LARP1: variants seen among roughly 807,000 people sequenced by gnomAD.
The protein encoded by LARP1 is la-related protein 1.
LARP1 carries 36 observed loss-of-function variants against 122.7 expected under a neutral mutation model. The ratio of observed to expected loss-of-function variants is 0.29; its 90% CI spans 0.22 to 0.39. The LOEUF (loss-of-function observed/expected upper bound fraction) is 0.39. Among genes scored for constraint, LARP1 ranks in the 10% least tolerant of loss-of-function variants. The pLI is 1.00. For missense variants in LARP1, 1,040 were observed against 1,403.6 expected (o/e 0.74, Z 4.14); for synonymous variants, 539 against 528.7 (o/e 1.02, Z -0.27).
chr5:154,804,036 G>T (rs1431381021), intron 13 of LARP1, among the ~76,000 whole-genome samples, 165 bp from the exon 14 acceptor site: 2 of 152,162 alleles, frequency 1.3e-5, no homozygotes, highest in African/African-American at 2.4e-5. Flanking sequence ...TTTGAAATAG[G>T]CATACCAGTT....
intron 1 of LARP1, among the ~76,000 whole-genome samples, chr5:154,758,350 G>T (rs1754173279): frequency 6.6e-6 from 1 of 152,178 alleles, no homozygotes; most frequent in Admixed American, 6.5e-5. Context: ...GATTTGCTCT[G>T]TTATTGTTTT....
intron 1 of LARP1, 60 bp downstream of exon 1, chr5:154,756,253 C>A: frequency 1.8e-6 from 2 of 1,136,044 alleles, no homozygotes; most frequent in South Asian, 3.3e-5. Flanking sequence ...ATGGGAGTCC[C>A]CTCCCCCAGC....
chr5:154,790,811 T>G lies in LARP1; in HGVS notation c.564+101T>G, dbSNP rs921142032. On this transcript the variant is annotated intron_variant, in intron 3 of 18. Transcript: ENST00000518297. ...AGCCTCAGCTCTTACCTTTCTCAGTTTTCATTCTTTCTTTTTTTTCCCCCC... is the reference window on the plus strand; with the variant it reads ...AGCCTCAGCTCTTACCTTTCTCAGTGTTCATTCTTTCTTTTTTTTCCCCCC... 4.2e-5 allele frequency: 44 copies of G among 1,057,340 alleles called. 1 individual carries two copies. The African/African-American group carries it at 5.6e-4, about 13-fold the overall frequency. 65.5% of individuals were successfully genotyped at this position (1,057,340 alleles called of 1,614,324 possible).
chr5:154,807,777 C>CTCCT (rs1387147773), intron 15 of LARP1, among the ~76,000 whole-genome samples: 1 of 152,140 alleles, frequency 6.6e-6, no homozygotes, highest in Non-Finnish European at 1.5e-5. Context: ...TGGTCTTGAA[C>CTCCT]TCCTGGCCTT....
intron 1 of LARP1, among the ~76,000 whole-genome samples, chr5:154,772,380 G>A (rs925371311): frequency 1.3e-5 from 2 of 152,120 alleles, no homozygotes; most frequent in Non-Finnish European, 2.9e-5. Flanking sequence ...ATTGGATAGC[G>A]TATTTCAAGT....
intron 1 of LARP1, among the ~76,000 whole-genome samples, chr5:154,692,968 C>T (rs2113212875): frequency 6.7e-6 from 1 of 148,328 alleles, no homozygotes; most frequent in East Asian, 2.0e-4. Flanking sequence ...ACCACCATAC[C>T]CAGCTAATTT....
intron 1 of LARP1, among the ~76,000 whole-genome samples, chr5:154,772,465 C>T (rs867113349): frequency 2.6e-5 from 4 of 152,064 alleles, no homozygotes; most frequent in African/African-American, 9.7e-5. Flanking sequence ...GTAGCCTTCC[C>T]GTTGTCTATG....
chr5:154,749,595 C>G (rs1412972250), intron 1 of LARP1, among the ~76,000 whole-genome samples: 1 of 152,180 alleles, frequency 6.6e-6, no homozygotes, highest in Admixed American at 6.5e-5. Flanking sequence ...TTCCCAAGAA[C>G]TGAAATAATT....
At chr5:154,713,336 G>T (rs1582183719) in intron 1 of LARP1, among the ~76,000 whole-genome samples, 1 of 152,266 alleles carries the variant, frequency 6.6e-6, no homozygotes, top group East Asian at 1.9e-4. Context: ...CTCTTCTATT[G>T]TTTTCCCTTG....
Position 154,811,527 on chromosome 5 carries a change from C to T in LARP1, c.2968C>T (p.Leu990=), listed in dbSNP as rs1452247307. Residue 990 remains leucine, a synonymous_variant, in exon 18 of 19, where the codon CTG becomes TTG. Coordinates refer to ENST00000518297, the MANE Select transcript of LARP1 (RefSeq NM_033551.3). ...KDYEAGQLYG[L]EKFWAFLKYS... The stretch of plus-strand genomic sequence containing the variant: ...TCTCCCTACAGGCCAACTGTATGGG[C>T]TGGAGAAGTTCTGGGCCTTCTTGAA... 1 of 1,614,232 alleles carries T rather than the reference C, an allele frequency of 6.2e-7. No individual in the cohort carries two copies. The highest frequency in any genetic ancestry group is 8.5e-7 in the Non-Finnish European group (1 of 1,180,026).
intron 1 of LARP1, among the ~76,000 whole-genome samples, chr5:154,690,725 G>A (rs2113201798): frequency 6.6e-6 from 1 of 151,806 alleles, no homozygotes. Context: ...CGCACTGGTG[G>A]TGTGCGGAGG....
At chr5:154,794,048 G>C in intron 6 of LARP1, 48 bp downstream of exon 6, 1 of 1,611,354 alleles carries the variant, frequency 6.2e-7, no homozygotes, top group South Asian at 1.1e-5. Flanking sequence ...GTGTGCAGCA[G>C]GGGTGGTGGG....
chr5:154,685,877 T>C lies in LARP1; in HGVS notation c.-180+2840T>C, dbSNP rs772218806. The C allele has an allele frequency of 3.2e-5, 16 of 506,942 alleles. No individual in the cohort carries two copies. The East Asian group carries it at 9.0e-4, about 28-fold the overall frequency. The allele number at this position is 506,942 out of a possible 1,614,324, so 31.4% of individuals were successfully genotyped here. A position where few individuals can be genotyped will look rare whatever the true frequency, so the allele number is the denominator to read the frequency against. On this transcript the variant is annotated intron_variant, in intron 1 of 18. Transcript: ENST00000687700. ...GCCAGGCTTTGTGCAGCATGTAAAC[T>C]GTACAGCCCTAAGTGGGAGCCCTAC...
At position 154,811,413 on chromosome 5, in the gene LARP1, A is replaced by C. The variant is rs968715097; in HGVS notation, c.2953+57A>C. The C allele has an allele frequency of 1.1e-5, 18 of 1,608,880 alleles. No homozygotes were observed. In the Admixed American group the frequency reaches 1.7e-4, roughly 15 times the overall value. ...TGGTCATGTAGGCCTCCTCTTCCCC[A>C]GTTGGACCTGGGTCTTTCTGTGTAT... On this transcript the variant is annotated intron_variant, in intron 17 of 18. Transcript: ENST00000518297.
intron 1 of LARP1, among the ~76,000 whole-genome samples, chr5:154,724,257 T>C (rs1756064489): frequency 6.6e-6 from 1 of 152,234 alleles, no homozygotes; most frequent in Admixed American, 6.5e-5. Flanking sequence ...CATTGCCTCA[T>C]TGAATTTTTA....
intron 1 of LARP1, among the ~76,000 whole-genome samples, chr5:154,735,834 G>T (rs1408522751): frequency 6.6e-6 from 1 of 151,858 alleles, no homozygotes; most frequent in African/African-American, 2.4e-5. Context: ...GCCTCCTAAA[G>T]TGCTGGGATT....
rs376819865 is a variant in LARP1 at position 154,790,943 on chromosome 5, G to A, written c.564+233G>A. On this transcript the variant is annotated intron_variant, in intron 3 of 18. Transcript: ENST00000518297. ...AGTGATTCTCCTCCCCCAGCCTCCC[G>A]AGTAGCTGTGATTACAGGCGCTCAC... is the stretch of plus-strand genomic sequence containing the variant. Among the ~76,000 whole-genome samples, 38 of 151,362 alleles carry A rather than the reference G, an allele frequency of 2.5e-4. 1 individual carries two copies. Among genetic ancestry groups the A allele is most frequent in the African/African-American group, 6.1e-4 (25 of 41,214 alleles).
chr5:154,778,392 GA>G (rs1381306501), intron 1 of LARP1, among the ~76,000 whole-genome samples: 13 of 151,986 alleles, frequency 8.6e-5, no homozygotes, highest in African/African-American at 2.9e-4. Flanking sequence ...TATGTACAGA[GA>G]AAACCTACCT....
At chr5:154,701,459 T>C (rs1052003267) in intron 1 of LARP1, among the ~76,000 whole-genome samples, 5 of 152,038 alleles carry the variant, frequency 3.3e-5, no homozygotes, top group African/African-American at 1.2e-4. Flanking sequence ...CTCCCCATGT[T>C]CAGAGCTGAC....
Sources: gnomAD v4.1 joint callset for allele counts (sites outside exome capture counted in the v4.1 genomes callset) on GRCh38, gnomAD v4.1.1 for gene constraint, MANE v1.5 for transcripts, NCBI Gene and HGNC (gene_info 2026-07-23, HGNC 2026-07-21) for gene names.